Variants in ZNF410 observed in about 807,000 individuals in gnomAD.
ZNF410 encodes the protein zinc finger protein 410.
ZNF410 carries 18 observed loss-of-function variants against 54.8 expected under a neutral mutation model. The ratio of observed to expected loss-of-function variants is 0.33; its 90% confidence interval spans 0.23 to 0.49. The LOEUF (loss-of-function observed/expected upper bound fraction) is 0.49. ZNF410 is among the 20% of genes least tolerant of loss of function. ZNF410 has a pLI of 0.99. For missense variants in ZNF410, 405 were observed against 569.6 expected (o/e 0.71, Z 2.94); for synonymous variants, 191 against 207.3 (o/e 0.92, Z 0.68).
rs762245001 is a variant in ZNF410, at chr14:73,931,506, C to G, written c.1402C>G (p.Leu468Val). ...ATTTGCTTTCAATCTTTTACAGTTA[C>G]TAAACCAAGGAGATTTAACTGAAAG... is the stretch of plus-strand genomic sequence containing the variant. ...VLTAVNPQEL[L>V]NQGDLTERRT is the part of the protein sequence containing the mutation. Residue 468 changes from leucine to valine, a missense_variant, in exon 12 of 12, where the codon CTA becomes GTA. This residue lies in a region of ZNF410 where 127 missense variants were observed against 141.3 expected (regional missense o/e 0.90). Transcript: ENST00000555044. 1.9e-6 allele frequency: 3 copies of G among 1,606,806 alleles called. No homozygotes were observed. The highest frequency in any genetic ancestry group is 1.3e-5 in the African/African-American group (1 of 74,478).
intron 5 of ZNF410, among the ~76,000 whole-genome samples, chr14:73,901,578 G>A (rs2055406648): frequency 6.6e-6 from 1 of 151,558 alleles, no homozygotes; most frequent in Non-Finnish European, 1.5e-5. Flanking sequence ...TATTCTTATT[G>A]TATCTATAAA....
At chr14:73,889,660 G>C (rs1312293663) in intron 1 of ZNF410, among the ~76,000 whole-genome samples, 2 of 152,016 alleles carry the variant, frequency 1.3e-5, no homozygotes, top group Admixed American at 1.3e-4. Flanking sequence ...TCTAAATAGA[G>C]GGATGGATAA....
intron 7 of ZNF410, chr14:73,905,365 T>G (rs929159545): frequency 4.3e-5 from 13 of 301,168 alleles, no homozygotes; most frequent in African/African-American, 2.8e-4. Context: ...TGTGGGGAGA[T>G]GTGGACAAAA....
intron 1 of ZNF410, 60 bp from the exon 2 acceptor site, chr14:73,891,967 T>C: frequency 2.9e-6 from 2 of 687,368 alleles, no homozygotes; most frequent in Middle Eastern, 2.3e-4. Flanking sequence ...AGTGTCTTTA[T>C]GTACCTGTGT....
At chr14:73,924,485 C>G (rs554604498) in intron 11 of ZNF410, among the ~76,000 whole-genome samples, 1 of 152,260 alleles carries the variant, frequency 6.6e-6, no homozygotes, top group South Asian at 2.1e-4. Flanking sequence ...TTGGCTTTGA[C>G]TCAGGAAACA....
chr14:73,896,500 C>G lies in ZNF410; in HGVS notation c.354C>G (p.Ser118Arg). The change falls in exon 4 of 12, where the codon AGC (serine) becomes AGG (arginine). Residue 118 changes from serine (S) to arginine (R), a missense_variant. Ser to Arg is a moderately radical substitution (Grantham distance 110). Transcript: ENST00000555044. ...SLLQDLQPSDSTSFILLNLTR... is the reference protein window; with the variant it reads ...SLLQDLQPSDRTSFILLNLTR... ...TGCAAGATCTACAGCCAAGTGATAG[C>G]ACTTCTTTTATTCTTCTTAACCTAA... 6.2e-7 allele frequency: 1 copy of G among 1,614,148 alleles called. No individual in the cohort carries two copies. Among genetic ancestry groups the G allele is most frequent in the Non-Finnish European group, 8.5e-7 (1 of 1,180,022 alleles).
intron 11 of ZNF410, 152 bp from the exon 12 acceptor site, chr14:73,931,351 A>G: frequency 1.7e-6 from 1 of 594,704 alleles, no homozygotes; most frequent in Non-Finnish European, 3.0e-6. Flanking sequence ...GACATCTATC[A>G]GTCCGTGCAT....
intron 5 of ZNF410, among the ~76,000 whole-genome samples, chr14:73,898,958 C>G (rs543098806): frequency 6.6e-6 from 1 of 152,330 alleles, no homozygotes; most frequent in African/African-American, 2.4e-5. Context: ...AGCTTGAGAA[C>G]CACGGCTCTA....
At chr14:73,894,975 C>A (rs934276961) in intron 3 of ZNF410, among the ~76,000 whole-genome samples, 1 of 151,822 alleles carries the variant, frequency 6.6e-6, no homozygotes, top group Admixed American at 6.6e-5. Context: ...CCAGCCTGGG[C>A]AACATGGCGA....
chr14:73,932,466 A>G lies in ZNF410; in HGVS notation c.*925A>G, dbSNP rs1383542058. The G allele has an allele frequency of 4.4e-6, 2 of 453,978 alleles. No individual in the cohort carries two copies. Among genetic ancestry groups the G allele is most frequent in the Non-Finnish European group, 8.8e-6 (2 of 226,436 alleles). The allele number at this position is 453,978 out of a possible 1,614,324, so 28.1% of individuals were successfully genotyped here. On this transcript the variant is annotated 3_prime_UTR_variant, in exon 12 of 12. Transcript: ENST00000555044. ...AGGTGATAGTTACTCTGTCACCACCAAAAAAGACGCATCTGAGAAAATGGC... is the reference window on the plus strand; with the variant it reads ...AGGTGATAGTTACTCTGTCACCACCGAAAAAGACGCATCTGAGAAAATGGC...
chr14:73,932,151 G>T lies in ZNF410; in HGVS notation c.*610G>T. ...CTATACACTTCTACTTGGTCACTTT[G>T]CTTTCTTCGTTAATGGAACATACAG... On this transcript the variant is annotated 3_prime_UTR_variant, in exon 12 of 12. Transcript: ENST00000555044. 1 of 371,564 alleles carries T rather than the reference G, an allele frequency of 2.7e-6. No homozygotes were observed. The highest frequency in any genetic ancestry group is 3.7e-5 in the Admixed American group (1 of 26,952). 23.0% of individuals were successfully genotyped at this position (371,564 alleles called of 1,614,324 possible).
chr14:73,923,563 G>T (rs1404228155), intron 11 of ZNF410, 41 bp downstream of exon 11: 3 of 1,588,020 alleles, frequency 1.9e-6, no homozygotes, highest in Admixed American at 3.5e-5. Context: ...GACAATTCAT[G>T]TGGGGAATGA....
intron 1 of ZNF410, among the ~76,000 whole-genome samples, chr14:73,889,388 C>T (rs2055188941): frequency 6.8e-6 from 1 of 146,486 alleles, no homozygotes. Flanking sequence ...GCTGAGATCG[C>T]GCCACTGCAC....
chr14:73,909,580 A>AT (rs2055544735), intron 8 of ZNF410, 150 bp downstream of exon 8: 1 of 561,374 alleles, frequency 1.8e-6, no homozygotes, highest in Admixed American at 3.5e-5. Context: ...ATCAGAAATC[A>AT]AGGCCCTTAA....
At chr14:73,896,150 C>T (rs2055314112) in intron 3 of ZNF410, 166 bp from the exon 4 acceptor site, 2 of 598,528 alleles carry the variant, frequency 3.3e-6, no homozygotes, top group Non-Finnish European at 5.9e-6. Flanking sequence ...GAACATAAAG[C>T]CATCTCTCTG....
chr14:73,909,010 G>C (rs1273866632), intron 7 of ZNF410, among the ~76,000 whole-genome samples: 5 of 152,162 alleles, frequency 3.3e-5, no homozygotes, highest in Non-Finnish European at 7.3e-5. Flanking sequence ...TAAAAATCCT[G>C]ACAGCATATA....
chr14:73,925,440 T>C (rs2055815656), intron 11 of ZNF410, among the ~76,000 whole-genome samples: 1 of 152,088 alleles, frequency 6.6e-6, no homozygotes, highest in African/African-American at 2.4e-5. Flanking sequence ...TGACTTTTTT[T>C]TTTTTTTGAG....
At chr14:73,917,925 A>C (rs2140319457) in intron 8 of ZNF410, among the ~76,000 whole-genome samples, 1 of 152,328 alleles carries the variant, frequency 6.6e-6, no homozygotes, top group Middle Eastern at 3.4e-3. Flanking sequence ...CACAGATACC[A>C]AAATCCACAA....
Position 73,896,444 on chromosome 14 carries a change from T to A in ZNF410, c.298T>A (p.Phe100Ile). The change falls in exon 4 of 12, where the codon TTT becomes ATT. Residue 100 changes from phenylalanine (F) to isoleucine (I), a missense_variant. Transcript: ENST00000555044. Reference protein sequence around the residue: ...RAQTVQKSPEFLSTSESSSLL... With the variant: ...RAQTVQKSPEILSTSESSSLL... ...TCAGACTGTACAGAAATCCCCGGAGTTTTTGTCCACTTCAGAGTCTTCTAG... is the reference window on the plus strand; with the variant it reads ...TCAGACTGTACAGAAATCCCCGGAGATTTTGTCCACTTCAGAGTCTTCTAG... The A allele has an allele frequency of 6.2e-7, 1 of 1,613,738 alleles. No individual in the cohort carries two copies. The highest frequency in any genetic ancestry group is 8.5e-7 in the Non-Finnish European group (1 of 1,179,934).
Sources: allele counts gnomAD v4.1 joint callset (sites outside exome capture counted in the v4.1 genomes callset), GRCh38; gene constraint gnomAD v4.1.1; regional missense constraint gnomAD v4.1.1; transcripts MANE v1.5; gene names NCBI Gene and HGNC (gene_info 2026-07-23, HGNC 2026-07-21).